The following C1QL1 variants were observed in gnomAD, a reference collection of about 807,000 sequenced individuals.
C1QL1 encodes complement C1q like 1.
In C1QL1, 15 loss-of-function variants were observed where a neutral mutation model predicts 14.2. The ratio of observed to expected loss-of-function variants is 1.06; its 90% confidence interval spans 0.71 to 1.62. The LOEUF (loss-of-function observed/expected upper bound fraction) is 1.62. Ranked by LOEUF, C1QL1 falls within the 40% of genes most tolerant of loss-of-function variation. The pLI is 0.00. For synonymous variants in C1QL1, 172 were observed against 172.4 expected (o/e 1.00, Z 0.02); for missense variants, 346 against 380.3 (o/e 0.91, Z 0.75).
At chr17:44,962,293 C>T (rs944355141) in intron 1 of C1QL1, among the ~76,000 whole-genome samples, 4 of 152,142 alleles carry the variant, frequency 2.6e-5, no homozygotes, top group East Asian at 1.9e-4. Context: ...GACTCAGCCG[C>T]GATGCTGCAA....
At chr17:44,960,388 AG>A in intron 1 of C1QL1, 21 bp from the exon 2 acceptor site, 1 of 1,589,270 alleles carries the variant, frequency 6.3e-7, no homozygotes, top group Non-Finnish European at 8.6e-7. Flanking sequence ...GGGACACGGG[AG>A]GGAGGGCGAG....
In C1QL1 at chr17:44,960,477, C is replaced by G. The variant is rs563597777; in HGVS notation, c.598-110G>C. The G allele has an allele frequency of 1.2e-4, 88 of 727,322 alleles. 2 individuals are homozygous for G. In the South Asian group the frequency reaches 1.5e-3, roughly 12 times the overall value. The allele number at this position is 727,322 out of a possible 1,614,324, so 45.1% of individuals were successfully genotyped here. ...TCAGCAGACCCAGAAACCTGGCCTCCAGCCTCGCCTCATCCCTGCCACGCT... is the reference window on the plus strand; with the variant it reads ...TCAGCAGACCCAGAAACCTGGCCTCGAGCCTCGCCTCATCCCTGCCACGCT... On this transcript the variant is annotated intron_variant, in intron 1 of 1. Coordinates refer to ENST00000253407, the MANE Select transcript of C1QL1 (RefSeq NM_006688.5).
chr17:44,961,219 A>T (rs2052625447), intron 1 of C1QL1, among the ~76,000 whole-genome samples: 1 of 152,180 alleles, frequency 6.6e-6, no homozygotes, highest in Non-Finnish European at 1.5e-5. Flanking sequence ...AGGGACAGGC[A>T]GGATAATGGG....
intron 1 of C1QL1, among the ~76,000 whole-genome samples, chr17:44,961,730 CAAA>C (rs1353938080): frequency 1.4e-5 from 2 of 147,690 alleles, no homozygotes; most frequent in African/African-American, 2.5e-5. Flanking sequence ...ACTAAAAATA[CAAA>C]AAATTAGCCG....
intron 1 of C1QL1, among the ~76,000 whole-genome samples, chr17:44,962,290 C>T (rs1466587015): frequency 1.3e-5 from 2 of 152,218 alleles, no homozygotes; most frequent in African/African-American, 2.4e-5. Context: ...GCTGACTCAG[C>T]CGCGATGCTG....
rs3024281 is a variant in C1QL1 at position 44,964,651 on chromosome 17, G to A, written c.597+2801C>T. Among the ~76,000 whole-genome samples, 1,511 of 152,310 alleles carry A rather than the reference G, an allele frequency of 9.9e-3. 26 individuals carry two copies. Among genetic ancestry groups the A allele is most frequent in the African/African-American group, 0.034 (1,424 of 41,562 alleles). On this transcript the variant is annotated intron_variant, in intron 1 of 1. Coordinates refer to ENST00000253407, the MANE Select transcript of C1QL1 (RefSeq NM_006688.5). ...TAGGCCATGAGGTCTTGGAGGGCAA[G>A]TGGACTGAACTCCTACAAAGCCTCA...
chr17:44,968,204 G>A lies in C1QL1; in HGVS notation c.-156C>T, dbSNP rs1181563679. 1.6e-5 allele frequency: 3 copies of A among 183,042 alleles called. No homozygotes were observed. The highest frequency in any genetic ancestry group is 6.5e-5 in the Admixed American group (1 of 15,272). The allele number at this position is 183,042 out of a possible 1,614,324, so 11.3% of individuals were successfully genotyped here. ...CAAGGACGGTCCGGCGGGGCTGCGGGCATGGGGCCGGGCCCGGGGCGCCGC... is the reference window on the plus strand; with the variant it reads ...CAAGGACGGTCCGGCGGGGCTGCGGACATGGGGCCGGGCCCGGGGCGCCGC... On this transcript the variant is annotated 5_prime_UTR_variant, in exon 1 of 2. Transcript: ENST00000253407.
rs1398238580 is a variant in C1QL1 at position 44,961,747 on chromosome 17, G to A, written c.598-1380C>T. 1.5e-4 allele frequency among the ~76,000 whole-genome samples: 23 copies of A among 151,276 alleles called. No homozygotes were observed. The East Asian group carries it at 1.9e-3, about 13-fold the overall frequency. Reference sequence around the variant, plus strand: ...TAAAAATACAAAAAATTAGCCGGGCGCGGTGGCGGGCGCCTGTAGTCCCAG... The same window carrying A: ...TAAAAATACAAAAAATTAGCCGGGCACGGTGGCGGGCGCCTGTAGTCCCAG... On this transcript the variant is annotated intron_variant, in intron 1 of 1. Coordinates refer to ENST00000253407, the MANE Select transcript of C1QL1 (RefSeq NM_006688.5).
At chr17:44,965,156 GT>G (rs1170787371) in intron 1 of C1QL1, among the ~76,000 whole-genome samples, 2 of 152,162 alleles carry the variant, frequency 1.3e-5, no homozygotes, top group Non-Finnish European at 2.9e-5. Flanking sequence ...GGGACTACAG[GT>G]GCCTGCCACC....
At chr17:44,966,616 C>T (rs572269995) in intron 1 of C1QL1, among the ~76,000 whole-genome samples, 1 of 152,278 alleles carries the variant, frequency 6.6e-6, no homozygotes, top group South Asian at 2.1e-4. Context: ...GTCCCGGTAC[C>T]AGAGTCCCCG....
At position 44,968,271 on chromosome 17, in the gene C1QL1, CCT is replaced by C; in HGVS notation, c.-225_-224del. 6.7e-6 allele frequency among the ~76,000 whole-genome samples: 1 copy of C among 149,528 alleles called. No homozygotes were observed. Among genetic ancestry groups the C allele is most frequent in the African/African-American group, 2.4e-5 (1 of 41,182 alleles). On this transcript the variant is annotated 5_prime_UTR_variant, in exon 1 of 2. Coordinates refer to ENST00000253407, the MANE Select transcript of C1QL1 (RefSeq NM_006688.5). ...TGCGGAGCCCAGCCGCCGGCTCCTG[CCT>C]CGCGCCTCCCTCCTGCTGCGCTGCC... is the stretch of plus-strand genomic sequence containing the variant.
chr17:44,968,039 C>T lies in C1QL1; in HGVS notation c.10G>A (p.Val4Met). 1 of 1,347,438 alleles carries T rather than the reference C, an allele frequency of 7.4e-7. No individual in the cohort carries two copies. 83.5% of individuals were successfully genotyped at this position (1,347,438 alleles called of 1,614,324 possible). A position where few individuals can be genotyped will look rare whatever the true frequency, so the allele number is the denominator to read the frequency against. The change falls in exon 1 of 2, where the codon GTG (valine) becomes ATG (methionine). Residue 4 changes from valine (V) to methionine (M), a missense_variant. By Grantham distance (21) the Val-to-Met change is conservative. Transcript: ENST00000253407. Reference protein sequence around the residue: MLLVLVVLIPVLVS... With the variant: MLLMLVVLIPVLVS... ...AGCACGGGGATGAGCACCACCAGCACCAGCAGCATCACCACACCCGCGGCG... is the reference window on the plus strand; with the variant it reads ...AGCACGGGGATGAGCACCACCAGCATCAGCAGCATCACCACACCCGCGGCG...
rs1254955752 is a variant in C1QL1, at chr17:44,967,814, C to A, written c.235G>T (p.Gly79Cys). The change falls in exon 1 of 2, where the codon GGC (glycine) becomes TGC (cysteine). Residue 79 changes from glycine (G) to cysteine (C), a missense_variant. By Grantham distance (159) the Gly-to-Cys change is radical. Transcript: ENST00000253407. This position sits in a 1 kb window ranked among gnomAD's most constrained non-coding sequence, Gnocchi z 7.0. ...QGKPGRTGKP[G>C]PPGPPGDPGP... Reference sequence around the variant, plus strand: ...GGGTCCCCGGGAGGCCCCGGAGGGCCGGGCTTGCCGGTGCGGCCCGGCTTC... The same window carrying A: ...GGGTCCCCGGGAGGCCCCGGAGGGCAGGGCTTGCCGGTGCGGCCCGGCTTC... 1.9e-5 allele frequency: 26 copies of A among 1,405,082 alleles called. No homozygotes were observed. The highest frequency in any genetic ancestry group is 2.3e-5 in the Non-Finnish European group (25 of 1,093,510). 87.0% of individuals were successfully genotyped at this position (1,405,082 alleles called of 1,614,324 possible). A position where few individuals can be genotyped will look rare whatever the true frequency, so the allele number is the denominator to read the frequency against.
chr17:44,967,411 G>A lies in C1QL1; in HGVS notation c.597+41C>T. ...CCCATTTGCCCCGGGCTCCCTGGGT[G>A]CCCTGGGCCCAGCCCAGCCCCATGC... On this transcript the variant is annotated intron_variant, in intron 1 of 1. Coordinates refer to ENST00000253407, the MANE Select transcript of C1QL1 (RefSeq NM_006688.5). This position sits in a 1 kb window ranked among gnomAD's most constrained non-coding sequence, Gnocchi z 7.0. 6.3e-7 allele frequency: 1 copy of A among 1,592,596 alleles called. No homozygotes were observed. The highest frequency in any genetic ancestry group is 8.6e-7 in the Non-Finnish European group (1 of 1,167,520).
intron 1 of C1QL1, 126 bp from the exon 2 acceptor site, chr17:44,960,493 C>T: frequency 4.6e-6 from 3 of 657,096 alleles, no homozygotes; most frequent in Non-Finnish European, 2.7e-6. Flanking sequence ...CGCCTCATCC[C>T]TGCCACGCTC....
chr17:44,967,851 CTGCACCAGCG>C lies in C1QL1; in HGVS notation c.188_197del (p.Thr63ArgfsTer90). ...TGCGGCCCGGCTTCCCCTGGGGGCC[CTGCACCAGCG>C]TGGAAGGCGGGGGCGCGCCGCTCTG... On this transcript the variant is annotated frameshift_variant, in exon 1 of 2. Transcript: ENST00000253407. LOFTEE classifies it high-confidence loss of function. This position sits in a 1 kb window ranked among gnomAD's most constrained non-coding sequence, Gnocchi z 7.0. 1 of 1,345,574 alleles carries C rather than the reference CTGCACCAGCG, an allele frequency of 7.4e-7. No individual in the cohort carries two copies. The highest frequency in any genetic ancestry group is 9.4e-7 in the Non-Finnish European group (1 of 1,059,204). The allele number at this position is 1,345,574 out of a possible 1,614,324, so 83.4% of individuals were successfully genotyped here.
chr17:44,967,722 C>T lies in C1QL1; in HGVS notation c.327G>A (p.Gly109=). The change falls in exon 1 of 2, where the codon GGG becomes GGA. Residue 109 remains glycine (G), a synonymous_variant. Transcript: ENST00000253407. The surrounding 1 kb of genome is among the most constrained non-coding windows in gnomAD (Gnocchi z 7.0). The part of the protein sequence containing the change: ...KGEPGKPGPP[G]LPGAGGSGAI... ...CGCCGCTGCCCCCCGCGCCCGGCAG[C>T]CCCGGAGGGCCCGGCTTGCCTGGCT... 1 of 1,606,652 alleles carries T rather than the reference C, an allele frequency of 6.2e-7. No homozygotes were observed.
intron 1 of C1QL1, among the ~76,000 whole-genome samples, chr17:44,963,931 C>A (rs138672228): frequency 6.6e-6 from 1 of 152,190 alleles, no homozygotes; most frequent in Admixed American, 6.5e-5. Context: ...TCCTCTCCAA[C>A]CCACCTGAAC....
chr17:44,961,741 CCGGGCGCGGTGG>C, intron 1 of C1QL1, among the ~76,000 whole-genome samples: 1 of 149,728 alleles, frequency 6.7e-6, no homozygotes, highest in Non-Finnish European at 1.5e-5. Flanking sequence ...AAAAAATTAG[CCGGGCGCGGTGG>C]CGGGCGCCTG....
Sources: gnomAD v4.1 joint callset for allele counts (sites outside exome capture counted in the v4.1 genomes callset) on GRCh38, gnomAD v4.1.1 for gene constraint, Gnocchi (gnomAD v3.1) non-coding constraint, MANE v1.5 for transcripts, NCBI Gene and HGNC (gene_info 2026-07-23, HGNC 2026-07-21) for gene names.